Variants in COL6A5 observed in about 807,000 individuals in gnomAD.
COL6A5 encodes the protein collagen type VI alpha 5 chain.
Under a neutral mutation model 65.6 loss-of-function variants are expected in COL6A5, and 48 were observed. The observed-to-expected ratio is 0.73, with a 90% CI of 0.58 to 0.93. The LOEUF (loss-of-function observed/expected upper bound fraction) is 0.93. COL6A5 is among the 40% of genes least tolerant of loss of function. The pLI is 0.00. For missense variants in COL6A5, 914 were observed against 928.3 expected (o/e 0.98, Z 0.20); for synonymous variants, 291 against 322.8 (o/e 0.90, Z 1.05).
In COL6A5 at chr3:130,432,002, T is replaced by TTAA. The variant is rs1243039755; in HGVS notation, c.487+53_487+54insTAA. On this transcript the variant is annotated intron_variant, in intron 1 of 7. Coordinates refer to ENST00000512836, the Ensembl canonical transcript of COL6A5. ...AATTTTAAGATAGAGGTAGGTATTG[T>TTAA]GATAGGGCAGGATGGGAGTGGTAGA... The TTAA allele has an allele frequency of 4.6e-6, 7 of 1,521,780 alleles. No homozygotes were observed. The African/African-American group carries it at 9.7e-5, about 21-fold the overall frequency. The allele number at this position is 1,521,780 out of a possible 1,614,324, so 94.3% of individuals were successfully genotyped here.
At chr3:130,432,608 A>T (rs1220134908) in intron 1 of COL6A5, among the ~76,000 whole-genome samples, 1 of 151,470 alleles carries the variant, frequency 6.6e-6, no homozygotes, top group Non-Finnish European at 1.5e-5. Flanking sequence ...ACTATATACC[A>T]CTACTAAGTG....
chr3:130,416,898 A>G, intron 24 of COL6A5, 79 bp downstream of exon 24: 1 of 775,060 alleles, frequency 1.3e-6, no homozygotes, highest in Non-Finnish European at 2.1e-6. Context: ...GCATATTTTT[A>G]TGAGGTACAA....
chr3:130,432,014 A>G, intron 1 of COL6A5, 65 bp downstream of exon 33: 1 of 1,488,348 alleles, frequency 6.7e-7, no homozygotes, highest in Non-Finnish European at 9.0e-7. Flanking sequence ...ATAGGGCAGG[A>G]TGGGAGTGGT....
intron 1 of COL6A5, among the ~76,000 whole-genome samples, chr3:130,436,446 C>T (rs1465473113): frequency 6.6e-6 from 1 of 151,860 alleles, no homozygotes; most frequent in Non-Finnish European, 1.5e-5. Context: ...TAGCAATCTC[C>T]TAGGGAAAAA....
chr3:130,354,130 A>AGAAG (rs1272499831), intron 1 of COL6A5, among the ~76,000 whole-genome samples: 4 of 151,880 alleles, frequency 2.6e-5, no homozygotes, highest in Admixed American at 1.3e-4. Context: ...AAGGAAGGAA[A>AGAAG]GAAGGAAGGA....
At chr3:130,354,144 A>G (rs1345017814) in intron 1 of COL6A5, among the ~76,000 whole-genome samples, 1 of 152,004 alleles carries the variant, frequency 6.6e-6, no homozygotes, top group Non-Finnish European at 1.5e-5. Context: ...GGAAGGAAGG[A>G]AGATTAGCAT....
intron 30 of COL6A5, 45 bp downstream of exon 30, chr3:130,426,294 G>A: frequency 6.5e-7 from 1 of 1,550,358 alleles, no homozygotes; most frequent in Non-Finnish European, 8.7e-7. Flanking sequence ...TAAGTTCACT[G>A]GGAAATAAAC....
At chr3:130,444,522 C>T (rs546247575) in intron 4 of COL6A5, among the ~76,000 whole-genome samples, 4 of 152,108 alleles carry the variant, frequency 2.6e-5, no homozygotes, top group African/African-American at 7.2e-5. Flanking sequence ...TGGCTTCAGC[C>T]GGTCCCTCCG....
intron 4 of COL6A5, among the ~76,000 whole-genome samples, chr3:130,446,429 T>C (rs572689481): frequency 6.6e-6 from 1 of 152,218 alleles, no homozygotes; most frequent in African/African-American, 2.4e-5. Context: ...GATTCAGTGC[T>C]GAAGGAGGAA....
chr3:130,423,759 G>A (rs1446290540), intron 28 of COL6A5, 79 bp from the exon 29 acceptor site: 1 of 1,127,754 alleles, frequency 8.9e-7, no homozygotes, highest in South Asian at 1.6e-5. Flanking sequence ...TTTAAAATTA[G>A]AAAGTCTTAT....
chr3:130,412,327 C>T (rs1282834462), intron 20 of COL6A5, among the ~76,000 whole-genome samples: 1 of 152,102 alleles, frequency 6.6e-6, no homozygotes, highest in Non-Finnish European at 1.5e-5. Flanking sequence ...TGCCCAAGGT[C>T]ACAAGAACTA....
intron 7 of COL6A5, among the ~76,000 whole-genome samples, chr3:130,394,240 G>A (rs929367196): frequency 1.1e-4 from 17 of 152,132 alleles, no homozygotes; most frequent in Non-Finnish European, 7.4e-5. Context: ...TTTTTAAAAA[G>A]CATTGCAGCA....
chr3:130,418,847 C>T (rs1937439035), intron 24 of COL6A5, 22 bp from the exon 25 acceptor site: 1 of 1,544,536 alleles, frequency 6.5e-7, no homozygotes, highest in Admixed American at 2.0e-5. Flanking sequence ...TGATCTGAAG[C>T]TCTTCTTGTC....
chr3:130,350,465 C>T (rs1301387825), intron 1 of COL6A5, among the ~76,000 whole-genome samples: 1 of 152,228 alleles, frequency 6.6e-6, no homozygotes, highest in Non-Finnish European at 1.5e-5. Flanking sequence ...AGCAAAGTCT[C>T]AGGATACAAA....
intron 12 of COL6A5, among the ~76,000 whole-genome samples, chr3:130,403,310 C>T (rs981829720): frequency 6.6e-6 from 1 of 152,150 alleles, no homozygotes; most frequent in South Asian, 2.1e-4. Context: ...CAGCTGTCCT[C>T]CCTGCAAATC....
At chr3:130,393,757 G>A (rs145573568) in intron 7 of COL6A5, among the ~76,000 whole-genome samples, 116 of 152,300 alleles carry the variant, frequency 7.6e-4, no homozygotes, top group African/African-American at 2.5e-3. Flanking sequence ...TTTCGCCCAT[G>A]AGAGCTGTCC....
At chr3:130,351,420 A>G (rs764280177) in intron 1 of COL6A5, among the ~76,000 whole-genome samples, 6 of 152,242 alleles carry the variant, frequency 3.9e-5, no homozygotes, top group Non-Finnish European at 7.3e-5. Flanking sequence ...CCCATCTGAT[A>G]AAGGGTTAAT....
chr3:130,446,269 C>T (rs1709301403), intron 4 of COL6A5, among the ~76,000 whole-genome samples: 1 of 151,636 alleles, frequency 6.6e-6, no homozygotes, highest in Non-Finnish European at 1.5e-5. Context: ...GCAGGAGCAT[C>T]TATCCAGGTG....
chr3:130,374,219 A>G (rs965286270), intron 2 of COL6A5, among the ~76,000 whole-genome samples: 1 of 152,180 alleles, frequency 6.6e-6, no homozygotes, highest in African/African-American at 2.4e-5. Flanking sequence ...ATCATAGAGT[A>G]TACTTATACC....
Sources: allele counts gnomAD v4.1 joint callset (sites outside exome capture counted in the v4.1 genomes callset), GRCh38; gene constraint gnomAD v4.1.1; transcripts MANE v1.5; gene names NCBI Gene and HGNC (gene_info 2026-07-23, HGNC 2026-07-21).